MCFD2: variants seen among roughly 807,000 people sequenced by gnomAD.
The protein encoded by MCFD2 is multiple coagulation factor deficiency protein 2.
In MCFD2, 11 loss-of-function variants were observed where a neutral mutation model predicts 12.8. The ratio of observed to expected loss-of-function variants is 0.86; its 90% CI spans 0.54 to 1.42. MCFD2 has a LOEUF of 1.42. Among genes scored for constraint, MCFD2 ranks in the 40% most tolerant of loss-of-function variants. The probability of loss-of-function intolerance (pLI) is 0.00; values close to 1 mark genes in which losing one functional copy is unlikely to be tolerated. For synonymous variants in MCFD2, 70 were observed against 68.1 expected (o/e 1.03, Z -0.14); for missense variants, 191 against 178.6 (o/e 1.07, Z -0.40).
chr2:46,916,310 G>T, upstream of MCFD2: 1 of 381,676 alleles, frequency 2.6e-6, no homozygotes, highest in Non-Finnish European at 3.6e-6. Flanking sequence ...CCTGCTTCCA[G>T]CGTCTGCCAG....
rs1670060260 is a variant in MCFD2, at chr2:46,937,898, G to T, written c.-8+3674C>A. Among the ~76,000 whole-genome samples the T allele has an allele frequency of 6.6e-6, 1 of 152,098 alleles. No homozygotes were observed. Among genetic ancestry groups the T allele is most frequent in the Admixed American group, 6.6e-5 (1 of 15,254 alleles). ...TGTCAAGAGAGAAGTCTGTTCAGCA[G>T]GTCATGGACTGAAGAAAACTACTGT... On this transcript the variant is annotated intron_variant, in intron 1 of 2. Transcript: ENST00000409147. The surrounding 1 kb of genome is among the most constrained non-coding windows in gnomAD (Gnocchi z 4.0).
intron 1 of MCFD2, chr2:46,913,828 A>T (rs1276932688): frequency 6.5e-6 from 1 of 153,686 alleles, no homozygotes; most frequent in African/African-American, 2.4e-5. Context: ...CTCTTCCTGT[A>T]CCACAGCCTC....
chr2:46,915,804 T>TGGGGGGGGGGGGGGGGGGGGCGGGG lies in MCFD2; in HGVS notation c.-89_-88insCCCCGCCCCCCCCCCCCCCCCCCCC. On this transcript the variant is annotated 5_prime_UTR_variant, in exon 1 of 4. Coordinates refer to ENST00000319466, the MANE Select transcript of MCFD2 (RefSeq NM_139279.6). ...GTCCCCAAAACGCTCTTCCTCGGCT[T>TGGGGGGGGGGGGGGGGGGGGCGGGG]CGCCCCGCCCCCCCCCCCCCCCCGA... 1 of 568,430 alleles carries TGGGGGGGGGGGGGGGGGGGGCGGGG rather than the reference T, an allele frequency of 1.8e-6. No individual in the cohort carries two copies. The highest frequency in any genetic ancestry group is 2.0e-6 in the Non-Finnish European group (1 of 510,736). The allele number at this position is 568,430 out of a possible 1,614,324, so 35.2% of individuals were successfully genotyped here.
chr2:46,916,254 C>T (rs906750356), upstream of MCFD2: 1 of 823,612 alleles, frequency 1.2e-6, no homozygotes, highest in Admixed American at 6.2e-5. Flanking sequence ...GATGAAACGA[C>T]CACAACACGC....
chr2:46,904,482 C>A lies in MCFD2; in HGVS notation c.*981G>T, dbSNP rs1485885655. ...GCCACAGGGGCAGAGCTGCCCAAGACCATGGGAACCCACTTCTTGCATCAG... is the reference window on the plus strand; with the variant it reads ...GCCACAGGGGCAGAGCTGCCCAAGAACATGGGAACCCACTTCTTGCATCAG... On this transcript the variant is annotated 3_prime_UTR_variant, in exon 4 of 4. Transcript: ENST00000319466. 1.3e-5 allele frequency: 2 copies of A among 152,260 alleles called. No individual in the cohort carries two copies. The highest frequency in any genetic ancestry group is 4.8e-5 in the African/African-American group (2 of 41,444). The allele number at this position is 152,260 out of a possible 1,614,324, so 9.4% of individuals were successfully genotyped here.
At chr2:46,905,769 T>C in intron 3 of MCFD2, 175 bp from the exon 4 acceptor site, 1 of 668,648 alleles carries the variant, frequency 1.5e-6, no homozygotes, top group East Asian at 2.8e-5. Context: ...AAACTTTCAA[T>C]GGAGTATGGG....
At chr2:46,932,655 A>G (rs553016402) in intron 1 of MCFD2, among the ~76,000 whole-genome samples, 1 of 151,402 alleles carries the variant, frequency 6.6e-6, no homozygotes, top group Admixed American at 6.6e-5. Context: ...AATCCCAGCA[A>G]TTTGGGAGGC....
upstream of MCFD2, chr2:46,916,006 C>T: frequency 1.0e-6 from 1 of 985,498 alleles, no homozygotes; most frequent in Non-Finnish European, 1.2e-6. Flanking sequence ...CGACACTCGG[C>T]TCCACTCCAG....
Position 46,908,054 on chromosome 2 carries a change from T to C in MCFD2, c.150-85A>G, listed in dbSNP as rs1399207539. ...TAAGGACTCTGAAAAGTTCAAGATCTTAAACTTCCTCCAGCTCAGAAAAAC... is the reference window on the plus strand; with the variant it reads ...TAAGGACTCTGAAAAGTTCAAGATCCTAAACTTCCTCCAGCTCAGAAAAAC... On this transcript the variant is annotated intron_variant, in intron 2 of 3. Transcript: ENST00000319466. This position sits in a 1 kb window ranked among gnomAD's most constrained non-coding sequence, Gnocchi z 4.5. 2.0e-6 allele frequency: 3 copies of C among 1,470,448 alleles called. No homozygotes were observed. The highest frequency in any genetic ancestry group is 2.8e-6 in the Non-Finnish European group (3 of 1,064,374). The allele number at this position is 1,470,448 out of a possible 1,614,324, so 91.1% of individuals were successfully genotyped here.
intron 1 of MCFD2, among the ~76,000 whole-genome samples, chr2:46,928,385 G>C (rs2103830153): frequency 6.6e-6 from 1 of 150,974 alleles, no homozygotes; most frequent in South Asian, 2.1e-4. Context: ...ACTGAAATCA[G>C]GGTGTTAACT....
At chr2:46,905,866 CAGTTAAA>C in intron 3 of MCFD2, 1 of 553,102 alleles carries the variant, frequency 1.8e-6, no homozygotes, top group South Asian at 1.6e-5. Flanking sequence ...TTACATTTGC[CAGTTAAA>C]AGAAGGCCCT....
intron 1 of MCFD2, among the ~76,000 whole-genome samples, chr2:46,934,027 G>A (rs1257798598): frequency 1.3e-5 from 2 of 152,284 alleles, no homozygotes; most frequent in Non-Finnish European, 2.9e-5. Context: ...CACAGCCATT[G>A]TGACAACTAG....
rs755686194 is a variant in MCFD2 at position 46,908,187 on chromosome 2, G to A, written c.150-218C>T. ...CCATCTGTTATGCTGGCAGGATTAG[G>A]GTATTCTTTCCTCTTTATTATTAGA... On this transcript the variant is annotated intron_variant, in intron 2 of 3. Transcript: ENST00000319466. The surrounding 1 kb of genome is among the most constrained non-coding windows in gnomAD (Gnocchi z 4.5). The A allele has an allele frequency of 4.7e-5, 28 of 598,182 alleles. No individual in the cohort carries two copies. Among genetic ancestry groups the A allele is most frequent in the African/African-American group, 4.5e-4 (24 of 53,710 alleles). 37.1% of individuals were successfully genotyped at this position (598,182 alleles called of 1,614,324 possible).
Position 46,915,805 on chromosome 2 carries a change from C to CGGGGGGGGGGGGGGGGGGGGGGGGCGG in MCFD2, c.-90_-89insCCGCCCCCCCCCCCCCCCCCCCCCCCC. ...TCCCCAAAACGCTCTTCCTCGGCTT[C>CGGGGGGGGGGGGGGGGGGGGGGGGCGG]GCCCCGCCCCCCCCCCCCCCCCGAC... On this transcript the variant is annotated 5_prime_UTR_variant, in exon 1 of 4. Transcript: ENST00000319466. The CGGGGGGGGGGGGGGGGGGGGGGGGCGG allele has an allele frequency of 2.7e-6, 1 of 368,316 alleles. No homozygotes were observed. Among genetic ancestry groups the CGGGGGGGGGGGGGGGGGGGGGGGGCGG allele is most frequent in the Non-Finnish European group, 3.1e-6 (1 of 327,196 alleles). 22.8% of individuals were successfully genotyped at this position (368,316 alleles called of 1,614,324 possible). A position where few individuals can be genotyped will look rare whatever the true frequency, so the allele number is the denominator to read the frequency against.
At chr2:46,911,178 A>G (rs1047036392) in intron 1 of MCFD2, among the ~76,000 whole-genome samples, 1 of 152,068 alleles carries the variant, frequency 6.6e-6, no homozygotes, top group Non-Finnish European at 1.5e-5. Context: ...GCCAGGCTGG[A>G]GTGCAGTGGC....
At chr2:46,917,362 A>C (rs1308960021), upstream of MCFD2, 2 of 594,176 alleles carry the variant, frequency 3.4e-6, no homozygotes. Context: ...CCTTACTCTG[A>C]ACTTTGGATT....
chr2:46,915,139 A>C (rs929046242), intron 1 of MCFD2, among the ~76,000 whole-genome samples: 2 of 152,210 alleles, frequency 1.3e-5, no homozygotes, highest in Non-Finnish European at 2.9e-5. Flanking sequence ...AGAGAAGAAA[A>C]GGTGGCCTGA....
upstream of MCFD2, chr2:46,916,099 AG>A: frequency 4.1e-6 from 4 of 985,584 alleles, no homozygotes; most frequent in Non-Finnish European, 3.6e-6. Context: ...CGGGCGACGT[AG>A]GATGGCGGAT....
Position 46,937,457 on chromosome 2 carries a change from T to C in MCFD2, c.-8+4115A>G, listed in dbSNP as rs572029462. On this transcript the variant is annotated intron_variant, in intron 1 of 2. Transcript: ENST00000409147. This position sits in a 1 kb window ranked among gnomAD's most constrained non-coding sequence, Gnocchi z 4.0. ...AGCTGAAAGCCATTGTAAAAGACTCTTCAAGGCCTAAATGGGACTTCGAAT... is the reference window on the plus strand; with the variant it reads ...AGCTGAAAGCCATTGTAAAAGACTCCTCAAGGCCTAAATGGGACTTCGAAT... Among the ~76,000 whole-genome samples, 10 of 152,296 alleles carry C rather than the reference T, an allele frequency of 6.6e-5. No homozygotes were observed. The highest frequency in any genetic ancestry group is 2.4e-4 in the African/African-American group (10 of 41,566).
Sources: gnomAD v4.1 joint callset for allele counts (sites outside exome capture counted in the v4.1 genomes callset) on GRCh38, gnomAD v4.1.1 for gene constraint, Gnocchi (gnomAD v3.1) non-coding constraint, MANE v1.5 for transcripts, NCBI Gene and HGNC (gene_info 2026-07-23, HGNC 2026-07-21) for gene names.